The following SPEF2 variants were observed in gnomAD, a reference collection of about 807,000 sequenced individuals.
SPEF2 encodes the protein sperm flagella and cilia-associated protein 2.
SPEF2 carries 187 observed loss-of-function variants against 224.6 expected under a neutral mutation model. The observed-to-expected ratio is 0.83, with a 90% CI of 0.74 to 0.94. The LOEUF (loss-of-function observed/expected upper bound fraction) is 0.94, where lower values mean the gene tolerates loss of function less well. Among genes scored for constraint, SPEF2 ranks in the 40% least tolerant of loss-of-function variants. SPEF2 has a pLI of 0.00. For missense variants in SPEF2, 2,170 were observed against 2,135.6 expected (o/e 1.02, Z -0.32); for synonymous variants, 715 against 707.3 (o/e 1.01, Z -0.17).
chr5:35,677,835 C>A (rs1310592953), intron 10 of SPEF2, among the ~76,000 whole-genome samples: 1 of 152,136 alleles, frequency 6.6e-6, no homozygotes, highest in Non-Finnish European at 1.5e-5. Flanking sequence ...TGTCAGTTAC[C>A]CATGGTAATC....
At chr5:35,752,816 G>A (rs1749859873) in intron 23 of SPEF2, among the ~76,000 whole-genome samples, 1 of 151,696 alleles carries the variant, frequency 6.6e-6, no homozygotes, top group African/African-American at 2.4e-5. Context: ...CTAGCTTAAG[G>A]ATGTTGTGAG....
intron 26 of SPEF2, among the ~76,000 whole-genome samples, chr5:35,765,742 A>G (rs754979155): frequency 5.9e-5 from 9 of 152,156 alleles, no homozygotes; most frequent in Non-Finnish European, 1.0e-4. Context: ...TTAATTTTCA[A>G]ATCAGCTTGT....
intron 24 of SPEF2, among the ~76,000 whole-genome samples, chr5:35,754,882 T>C (rs192774654): frequency 6.6e-6 from 1 of 152,358 alleles, no homozygotes; most frequent in Non-Finnish European, 1.5e-5. Flanking sequence ...AGAGTACTTA[T>C]CTGGCAATCC....
intron 28 of SPEF2, among the ~76,000 whole-genome samples, chr5:35,774,965 CT>C (rs1753403384): frequency 6.6e-6 from 1 of 152,184 alleles, no homozygotes; most frequent in Non-Finnish European, 1.5e-5. Context: ...TATACTTCAT[CT>C]TTCAGTTCAT....
intron 16 of SPEF2, among the ~76,000 whole-genome samples, chr5:35,701,433 T>C (rs114044669): frequency 1.6e-4 from 24 of 152,268 alleles, no homozygotes; most frequent in African/African-American, 5.5e-4. Context: ...TTAAATGAGC[T>C]CAGAGCTACA....
At chr5:35,713,033 C>T in intron 20 of SPEF2, 147 bp downstream of exon 20, 1 of 745,330 alleles carries the variant, frequency 1.3e-6, no homozygotes, top group Non-Finnish European at 2.1e-6. Flanking sequence ...AGAATATAGT[C>T]GCAAACTTTC....
At chr5:35,628,198 A>T (rs1051890197) in intron 1 of SPEF2, among the ~76,000 whole-genome samples, 5 of 151,914 alleles carry the variant, frequency 3.3e-5, no homozygotes, top group African/African-American at 1.2e-4. Flanking sequence ...TTAAAAAAAA[A>T]TTTTATCTGT....
chr5:35,666,664 C>G (rs1027912924), intron 8 of SPEF2, among the ~76,000 whole-genome samples: 1 of 152,120 alleles, frequency 6.6e-6, no homozygotes, highest in African/African-American at 2.4e-5. Context: ...GCAGATGTGT[C>G]AAAATTGGCA....
chr5:35,785,126 T>C (rs1754916103), intron 30 of SPEF2, among the ~76,000 whole-genome samples: 1 of 152,212 alleles, frequency 6.6e-6, no homozygotes, highest in South Asian at 2.1e-4. Flanking sequence ...GGGAATGATA[T>C]AGAAGAATAG....
At chr5:35,620,768 A>C (rs1432711477) in intron 1 of SPEF2, among the ~76,000 whole-genome samples, 3 of 152,190 alleles carry the variant, frequency 2.0e-5, no homozygotes, top group Non-Finnish European at 4.4e-5. Context: ...TCAAGTAAAA[A>C]CCAAAAGTTA....
At chr5:35,619,373 T>C (rs1482669755) in intron 1 of SPEF2, among the ~76,000 whole-genome samples, 2 of 152,188 alleles carry the variant, frequency 1.3e-5, no homozygotes, top group African/African-American at 4.8e-5. Context: ...ATTTAGTTCA[T>C]TTATTTTATT....
At chr5:35,653,990 T>A (rs554388839) in intron 6 of SPEF2, among the ~76,000 whole-genome samples, 2 of 145,272 alleles carry the variant, frequency 1.4e-5, no homozygotes, top group Non-Finnish European at 3.0e-5. Flanking sequence ...CTGGGCACAG[T>A]GGCTCATGCC....
At chr5:35,621,434 G>A (rs1023785483) in intron 1 of SPEF2, among the ~76,000 whole-genome samples, 75 of 152,270 alleles carry the variant, frequency 4.9e-4, no homozygotes, top group African/African-American at 1.7e-3. Context: ...CTAGTAGGTC[G>A]TAGAGCTAGA....
At chr5:35,753,181 A>G (rs1749933107) in intron 23 of SPEF2, among the ~76,000 whole-genome samples, 1 of 152,084 alleles carries the variant, frequency 6.6e-6, no homozygotes, top group Non-Finnish European at 1.5e-5. Flanking sequence ...TTTTTGGTGA[A>G]CAATATGTTC....
intron 1 of SPEF2, among the ~76,000 whole-genome samples, chr5:35,627,308 AT>A (rs35336098): frequency 1.3e-5 from 2 of 151,926 alleles, no homozygotes; most frequent in South Asian, 2.1e-4. Flanking sequence ...ACACTTAAAA[AT>A]TTTTTTTCTC....
intron 20 of SPEF2, among the ~76,000 whole-genome samples, chr5:35,720,202 A>G (rs1193617369): frequency 1.3e-5 from 2 of 152,218 alleles, no homozygotes; most frequent in African/African-American, 2.4e-5. Context: ...AGAAACAAAC[A>G]TGCTCCAAAT....
intron 10 of SPEF2, among the ~76,000 whole-genome samples, chr5:35,684,535 A>G (rs1325733838): frequency 6.6e-6 from 1 of 152,156 alleles, no homozygotes; most frequent in Non-Finnish European, 1.5e-5. Flanking sequence ...CAGGCCTTTC[A>G]GATTGGAGTG....
At chr5:35,795,401 A>G (rs1756527878) in intron 32 of SPEF2, among the ~76,000 whole-genome samples, 2 of 152,224 alleles carry the variant, frequency 1.3e-5, no homozygotes, top group African/African-American at 4.8e-5. Context: ...ACACGATCCA[A>G]TCGTTAAAAA....
intron 29 of SPEF2, among the ~76,000 whole-genome samples, chr5:35,777,642 G>A (rs1318925267): frequency 6.7e-6 from 1 of 149,844 alleles, no homozygotes; most frequent in Non-Finnish European, 1.5e-5. Context: ...GCCACAAGAA[G>A]TTAAAACCTA....
Sources: allele counts gnomAD v4.1 joint callset (sites outside exome capture counted in the v4.1 genomes callset), GRCh38; gene constraint gnomAD v4.1.1; transcripts MANE v1.5; gene names NCBI Gene and HGNC (gene_info 2026-07-23, HGNC 2026-07-21).